ROBO2: variants seen among roughly 807,000 people sequenced by gnomAD.
ROBO2 encodes the protein roundabout guidance receptor 2.
A neutral mutation model predicts 160.8 loss-of-function variants in ROBO2; 53 were observed. That is an observed-to-expected ratio of 0.33 (90% CI 0.26 to 0.41). ROBO2 has a LOEUF of 0.41. Ranked by LOEUF, ROBO2 falls within the 10% of genes least tolerant of loss-of-function variation. The pLI is 1.00. For synonymous variants in ROBO2, 664 were observed against 611.7 expected, an observed-to-expected ratio of 1.09 and a Z score of -1.26; for missense variants, 1,577 against 1,722.4, an observed-to-expected ratio of 0.92 and a Z score of 1.49.
At chr3:76,870,444 T>C (rs931689627) in intron 2 of ROBO2, among the ~76,000 whole-genome samples, 2 of 152,210 alleles carry the variant, frequency 1.3e-5, no homozygotes, top group Admixed American at 6.5e-5. Context: ...ACATACAGAC[T>C]GTTATTTAAA....
At chr3:76,750,622 A>G (rs888203895) in intron 2 of ROBO2, among the ~76,000 whole-genome samples, 4 of 152,156 alleles carry the variant, frequency 2.6e-5, no homozygotes, top group Non-Finnish European at 4.4e-5. Context: ...TCAATGTGCA[A>G]AAATCACAAG....
chr3:76,638,312 C>T (rs1017091662), intron 2 of ROBO2, among the ~76,000 whole-genome samples: 1 of 152,124 alleles, frequency 6.6e-6, no homozygotes, highest in African/African-American at 2.4e-5. Flanking sequence ...TCCTGTTGCT[C>T]ATTCCATTTT....
chr3:76,647,357 A>C (rs1418272959), intron 2 of ROBO2, among the ~76,000 whole-genome samples: 1 of 152,094 alleles, frequency 6.6e-6, no homozygotes, highest in Non-Finnish European at 1.5e-5. Context: ...TCAGTCTCCC[A>C]CTAGTGCCCC....
chr3:76,326,497 T>C (rs2107960553), intron 2 of ROBO2, among the ~76,000 whole-genome samples: 1 of 152,308 alleles, frequency 6.6e-6, no homozygotes, highest in Non-Finnish European at 1.5e-5. Context: ...TGTTGCATAA[T>C]GCATATATTA....
intron 2 of ROBO2, among the ~76,000 whole-genome samples, chr3:77,213,248 A>G (rs1490768075): frequency 6.6e-6 from 1 of 152,034 alleles, no homozygotes; most frequent in Non-Finnish European, 1.5e-5. Flanking sequence ...TATTGCTTCA[A>G]TTTCAGAGCC....
At chr3:76,268,299 G>C (rs1385981322) in intron 2 of ROBO2, among the ~76,000 whole-genome samples, 1 of 152,002 alleles carries the variant, frequency 6.6e-6, no homozygotes, top group South Asian at 2.1e-4. Context: ...GGAGAGGAGA[G>C]GGGATGCTAT....
chr3:76,408,416 T>C (rs2108812675), intron 2 of ROBO2, among the ~76,000 whole-genome samples: 1 of 152,256 alleles, frequency 6.6e-6, no homozygotes, highest in African/African-American at 2.4e-5. Flanking sequence ...TTTTGAAGCC[T>C]ATGAAACACC....
rs192011809 is a variant in ROBO2, at chr3:77,533,124, C to A, written c.934+10222C>A. On this transcript the variant is annotated intron_variant, in intron 6 of 25. Transcript: ENST00000461745. ...GTGAAGTAGCAGGGTAATTCAATAACCCTTATTTAGAATGTTGTTTTCAAT... is the reference window on the plus strand; with the variant it reads ...GTGAAGTAGCAGGGTAATTCAATAAACCTTATTTAGAATGTTGTTTTCAAT... Among the ~76,000 whole-genome samples, 388 of 152,170 alleles carry A rather than the reference C, an allele frequency of 2.5e-3. 1 individual carries two copies. Among genetic ancestry groups the A allele is most frequent in the African/African-American group, 8.9e-3 (369 of 41,492 alleles).
intron 2 of ROBO2, among the ~76,000 whole-genome samples, chr3:76,407,834 C>G (rs1446494814): frequency 6.6e-6 from 1 of 152,008 alleles, no homozygotes; most frequent in East Asian, 1.9e-4. Flanking sequence ...CAAGCGAGTC[C>G]AACCCATGGC....
chr3:77,583,174 AGG>A lies in ROBO2; in HGVS notation c.2500+3057_2500+3058del, dbSNP rs1435615771. Among the ~76,000 whole-genome samples, 700 of 148,580 alleles carry A rather than the reference AGG, an allele frequency of 4.7e-3. 10 individuals are homozygous for A. The highest frequency in any genetic ancestry group is 0.017 in the African/African-American group (663 of 40,002). On this transcript the variant is annotated intron_variant, in intron 16 of 25. Transcript: ENST00000461745. ...CTCCAAAAAAAAAAAAAAAAAAAAAAGGAAAAAACATTTTCAGTCCCCTCAGC... is the reference window on the plus strand; with the variant it reads ...CTCCAAAAAAAAAAAAAAAAAAAAAAAAAAAACATTTTCAGTCCCCTCAGC...
At chr3:76,444,957 T>C (rs566043838) in intron 2 of ROBO2, among the ~76,000 whole-genome samples, 205 of 152,260 alleles carry the variant, frequency 1.3e-3, no homozygotes, top group Non-Finnish European at 2.3e-3. Flanking sequence ...CATTGTTAGA[T>C]AGGCTTTTTT....
chr3:76,729,296 T>C (rs764309253), intron 2 of ROBO2, among the ~76,000 whole-genome samples: 2 of 152,080 alleles, frequency 1.3e-5, no homozygotes, highest in Non-Finnish European at 2.9e-5. Context: ...TGTTTTCAAA[T>C]GGAGCCAAAT....
chr3:76,019,702 C>T lies in ROBO2; in HGVS notation c.109+82100C>T, dbSNP rs573071301. Among the ~76,000 whole-genome samples the T allele has an allele frequency of 2.6e-5, 4 of 151,462 alleles. 1 individual carries two copies. In the East Asian group the frequency reaches 7.8e-4, roughly 30 times the overall value. On this transcript the variant is annotated intron_variant, in intron 2 of 26. Transcript: ENST00000487694. ...TTGTCTAATATTTTCATTATGGCCT[C>T]CCAACATGGTTAGGTTTTCTCTGAA... is the stretch of plus-strand genomic sequence containing the variant.
At chr3:76,385,496 T>C (rs2076839725) in intron 2 of ROBO2, among the ~76,000 whole-genome samples, 1 of 152,220 alleles carries the variant, frequency 6.6e-6, no homozygotes, top group Admixed American at 6.5e-5. Context: ...AGGAAAAGAA[T>C]TGAAGCAAAG....
chr3:76,218,566 G>A (rs552803468), intron 2 of ROBO2, among the ~76,000 whole-genome samples: 1 of 152,260 alleles, frequency 6.6e-6, no homozygotes, highest in African/African-American at 2.4e-5. Flanking sequence ...ATTCATAATT[G>A]CTTCAAAGAG....
At chr3:77,512,417 G>A (rs1001861882) in intron 5 of ROBO2, among the ~76,000 whole-genome samples, 5 of 151,954 alleles carry the variant, frequency 3.3e-5, no homozygotes, top group African/African-American at 1.2e-4. Flanking sequence ...ATATTTCATA[G>A]AAGCGTGCCT....
chr3:76,354,292 A>G (rs1028959656), intron 2 of ROBO2, among the ~76,000 whole-genome samples: 2 of 151,938 alleles, frequency 1.3e-5, no homozygotes, highest in African/African-American at 4.8e-5. Context: ...CTGGATTTCA[A>G]TACATACATT....
intron 1 of ROBO2, 143 bp downstream of exon 1, chr3:77,040,989 G>C (rs2064032448): frequency 1.7e-5 from 17 of 1,019,286 alleles, no homozygotes; most frequent in Non-Finnish European, 2.5e-5. Context: ...GGCTCCTTGG[G>C]GGCAGAGGTT....
chr3:76,273,694 A>G (rs555977483), intron 2 of ROBO2, among the ~76,000 whole-genome samples: 1 of 152,280 alleles, frequency 6.6e-6, no homozygotes, highest in East Asian at 1.9e-4. Flanking sequence ...ACTCACCATC[A>G]TGAGAACTCA....
Sources: allele counts gnomAD v4.1 joint callset (sites outside exome capture counted in the v4.1 genomes callset), GRCh38; gene constraint gnomAD v4.1.1; transcripts MANE v1.5; gene names NCBI Gene and HGNC (gene_info 2026-07-23, HGNC 2026-07-21).